GALNTL6: variants seen among roughly 807,000 people sequenced by gnomAD.
The protein encoded by GALNTL6 is polypeptide N-acetylgalactosaminyltransferase like 6.
GALNTL6 carries 46 observed loss-of-function variants against 73.7 expected under a neutral mutation model. That is an observed-to-expected ratio of 0.62 (90% CI 0.49 to 0.80). The LOEUF (loss-of-function observed/expected upper bound fraction) is 0.80. Among genes scored for constraint, GALNTL6 ranks in the 30% least tolerant of loss-of-function variants. The pLI, the probability that GALNTL6 is intolerant of heterozygous loss-of-function variation, is 0.00. For synonymous variants in GALNTL6, 259 were observed against 263.7 expected (o/e 0.98, Z 0.17); for missense variants, 604 against 755.0 (o/e 0.80, Z 2.34).
chr4:172,425,911 T>G (rs1731212591), intron 5 of GALNTL6, among the ~76,000 whole-genome samples: 1 of 152,060 alleles, frequency 6.6e-6, no homozygotes, highest in Non-Finnish European at 1.5e-5. Flanking sequence ...TTTAAAAGAA[T>G]CTGTGGACTT....
chr4:172,566,960 A>G (rs1262593979), intron 5 of GALNTL6, among the ~76,000 whole-genome samples: 1 of 151,874 alleles, frequency 6.6e-6, no homozygotes, highest in African/African-American at 2.4e-5. Flanking sequence ...AAAAAGATTC[A>G]TTTTCAATAA....
intron 5 of GALNTL6, among the ~76,000 whole-genome samples, chr4:172,671,500 A>T (rs1161708453): frequency 1.3e-5 from 2 of 152,126 alleles, no homozygotes; most frequent in African/African-American, 2.4e-5. Flanking sequence ...TAATTTTTGC[A>T]TATTGATTTT....
In GALNTL6 at chr4:172,938,686, C is replaced by G. The variant is rs75199418; in HGVS notation, c.1149+7418C>G. On this transcript the variant is annotated intron_variant, in intron 9 of 12. Transcript: ENST00000506823. ...CGATAACCTTGGACAACAACAGCAG[C>G]ACCACTTCTCTCTCCTGCTCTTAAA... Among the ~76,000 whole-genome samples, 266 of 152,284 alleles carry G rather than the reference C, an allele frequency of 1.7e-3. 5 individuals are homozygous for G. The East Asian group carries it at 0.04, about 23-fold the overall frequency.
chr4:172,370,917 A>G (rs947458720), intron 5 of GALNTL6, among the ~76,000 whole-genome samples: 3 of 152,212 alleles, frequency 2.0e-5, no homozygotes, highest in South Asian at 2.1e-4. Context: ...AGTGTGTGGT[A>G]GTAGGATAAT....
intron 5 of GALNTL6, among the ~76,000 whole-genome samples, chr4:172,698,681 G>A (rs971869324): frequency 6.6e-6 from 1 of 152,180 alleles, no homozygotes; most frequent in South Asian, 2.1e-4. Context: ...TGGAGATGGG[G>A]AATGGGAGTC....
At chr4:172,243,083 C>T (rs1164619948) in intron 3 of GALNTL6, among the ~76,000 whole-genome samples, 2 of 152,200 alleles carry the variant, frequency 1.3e-5, no homozygotes, top group Non-Finnish European at 2.9e-5. Context: ...ACCCATGTCT[C>T]TGACCTCAAC....
intron 8 of GALNTL6, among the ~76,000 whole-genome samples, chr4:172,920,650 C>T (rs1178070816): frequency 6.6e-6 from 1 of 152,052 alleles, no homozygotes; most frequent in African/African-American, 2.4e-5. Context: ...TAATAAACAA[C>T]TAGTGAATGA....
chr4:172,773,559 G>A (rs371860038), intron 5 of GALNTL6, among the ~76,000 whole-genome samples: 1 of 151,382 alleles, frequency 6.6e-6, no homozygotes, highest in South Asian at 2.1e-4. Flanking sequence ...TTTCTACAGG[G>A]GACTAAAGTA....
At chr4:172,738,063 C>T (rs1230075051) in intron 5 of GALNTL6, among the ~76,000 whole-genome samples, 1 of 152,202 alleles carries the variant, frequency 6.6e-6, no homozygotes, top group Non-Finnish European at 1.5e-5. Flanking sequence ...TTGTTTCTGC[C>T]TGTCCTCAGA....
intron 5 of GALNTL6, among the ~76,000 whole-genome samples, chr4:172,565,272 T>C (rs1260111372): frequency 6.6e-6 from 1 of 152,200 alleles, no homozygotes; most frequent in African/African-American, 2.4e-5. Context: ...TTCTTTTGTC[T>C]TTTTTTGGAT....
At chr4:172,984,892 A>G (rs186271100) in intron 10 of GALNTL6, among the ~76,000 whole-genome samples, 3 of 152,350 alleles carry the variant, frequency 2.0e-5, no homozygotes, top group South Asian at 2.1e-4. Flanking sequence ...AACATTTTTT[A>G]TGCAACAGTG....
At chr4:172,018,120 G>T (rs553403485) in intron 2 of GALNTL6, among the ~76,000 whole-genome samples, 2 of 152,220 alleles carry the variant, frequency 1.3e-5, no homozygotes, top group South Asian at 4.1e-4. Flanking sequence ...GTCATGAATT[G>T]CTGTAATGGC....
intron 7 of GALNTL6, among the ~76,000 whole-genome samples, chr4:172,869,493 G>A (rs189892782): frequency 3.9e-5 from 6 of 152,316 alleles, no homozygotes; most frequent in Admixed American, 3.3e-4. Flanking sequence ...AGCATAAAGT[G>A]TATGCAGAGG....
Position 172,025,615 on chromosome 4 carries a change from A to G in GALNTL6, c.139-204041A>G, listed in dbSNP as rs952885217. 2.0e-5 allele frequency among the ~76,000 whole-genome samples: 3 copies of G among 152,078 alleles called. No individual in the cohort carries two copies. In the East Asian group the frequency reaches 5.8e-4, roughly 29 times the overall value. On this transcript the variant is annotated intron_variant, in intron 2 of 12. Coordinates refer to ENST00000506823, the MANE Select transcript of GALNTL6 (RefSeq NM_001034845.3). ...TTTTTGAAACTTATTTTTAACATGG[A>G]GTTTGAAATTTTTGGTTTTCAGTTA...
At chr4:172,268,208 T>A (rs761422308) in intron 3 of GALNTL6, among the ~76,000 whole-genome samples, 1 of 152,232 alleles carries the variant, frequency 6.6e-6, no homozygotes, top group Non-Finnish European at 1.5e-5. Flanking sequence ...TCCTACATTC[T>A]GTTTAATCTT....
At chr4:172,721,672 G>A (rs957886221) in intron 5 of GALNTL6, among the ~76,000 whole-genome samples, 1 of 152,128 alleles carries the variant, frequency 6.6e-6, no homozygotes, top group Non-Finnish European at 1.5e-5. Context: ...ATTTAACAGT[G>A]GGTTGTCCTG....
chr4:172,502,851 G>A (rs559894224), intron 5 of GALNTL6, among the ~76,000 whole-genome samples: 22 of 152,260 alleles, frequency 1.4e-4, no homozygotes, highest in African/African-American at 4.1e-4. Context: ...GTTCTGTCAC[G>A]GTCAAGAGCA....
chr4:172,537,514 C>T (rs1253502931), intron 5 of GALNTL6, among the ~76,000 whole-genome samples: 4 of 152,196 alleles, frequency 2.6e-5, no homozygotes, highest in Non-Finnish European at 5.9e-5. Flanking sequence ...ATTGTGAGGC[C>T]TCCCTGGCCC....
At chr4:172,992,844 G>A (rs573358056) in intron 10 of GALNTL6, among the ~76,000 whole-genome samples, 11 of 152,212 alleles carry the variant, frequency 7.2e-5, no homozygotes, top group South Asian at 2.1e-4. Flanking sequence ...AAAGGTCATC[G>A]GATCGCTAAG....
Sources: gnomAD v4.1 joint callset for allele counts (sites outside exome capture counted in the v4.1 genomes callset) on GRCh38, gnomAD v4.1.1 for gene constraint, MANE v1.5 for transcripts, NCBI Gene and HGNC (gene_info 2026-07-23, HGNC 2026-07-21) for gene names.